Variants in JPH3 observed in about 807,000 individuals in gnomAD.
The protein encoded by JPH3 is junctophilin 3.
In JPH3, 11 loss-of-function variants were observed where a neutral mutation model predicts 59.6. The ratio of observed to expected loss-of-function variants is 0.18; its 90% CI spans 0.12 to 0.31. The LOEUF is 0.31. Ranked by LOEUF, JPH3 falls within the 10% of genes least tolerant of loss-of-function variation. The pLI, the probability that JPH3 is intolerant of heterozygous loss-of-function variation, is 1.00. For synonymous variants in JPH3, 673 were observed against 483.6 expected (o/e 1.39, Z -5.14); for missense variants, 1,202 against 1,105.7 (o/e 1.09, Z -1.24).
chr16:87,660,724 C>G (rs758578125), intron 2 of JPH3, among the ~76,000 whole-genome samples: 1 of 152,224 alleles, frequency 6.6e-6, no homozygotes. Flanking sequence ...ATCACACTGT[C>G]ATATCGCCTG....
chr16:87,618,227 C>G (rs972601314), intron 1 of JPH3, among the ~76,000 whole-genome samples: 6 of 151,822 alleles, frequency 4.0e-5, no homozygotes, highest in Admixed American at 2.6e-4. Flanking sequence ...TTAAAGAAAA[C>G]AGAAAGTGGG....
intron 1 of JPH3, among the ~76,000 whole-genome samples, chr16:87,616,976 G>A (rs1390805911): frequency 6.6e-6 from 1 of 152,216 alleles, no homozygotes; most frequent in Admixed American, 6.5e-5. Flanking sequence ...TGTAATCCCA[G>A]CACTTTGAGA....
At chr16:87,604,962 G>A (rs1029529253) in intron 1 of JPH3, 2 of 454,376 alleles carry the variant, frequency 4.4e-6, no homozygotes, top group Non-Finnish European at 8.9e-6. Flanking sequence ...GTGCTCCCTT[G>A]GTTCCAGGCT....
chr16:87,612,603 A>G lies in JPH3; in HGVS notation c.382+9075A>G, dbSNP rs2030770702. Among the ~76,000 whole-genome samples the G allele has an allele frequency of 3.3e-5, 5 of 152,138 alleles. 1 individual carries two copies. In the South Asian group the frequency reaches 1.0e-3, roughly 31 times the overall value. Reference sequence around the variant, plus strand: ...CAAGACCACTGACACTGGAAACTTTAAGGCGGGGGTCTCAGCCTGAGTATC... The same window carrying G: ...CAAGACCACTGACACTGGAAACTTTGAGGCGGGGGTCTCAGCCTGAGTATC... On this transcript the variant is annotated intron_variant, in intron 1 of 4. Coordinates refer to ENST00000284262, the MANE Select transcript of JPH3 (RefSeq NM_020655.4).
chr16:87,610,044 A>G lies in JPH3; in HGVS notation c.382+6516A>G, dbSNP rs150420921. 2.8e-3 allele frequency among the ~76,000 whole-genome samples: 423 copies of G among 152,344 alleles called. 2 individuals carry two copies. Among genetic ancestry groups the G allele is most frequent in the African/African-American group, 9.7e-3 (404 of 41,576 alleles). On this transcript the variant is annotated intron_variant, in intron 1 of 4. Transcript: ENST00000284262. ...GGGAGATAGTGACAGATCATCGGACATTAGATTATCATAAGGAGTGTGCAA... is the reference window on the plus strand; with the variant it reads ...GGGAGATAGTGACAGATCATCGGACGTTAGATTATCATAAGGAGTGTGCAA...
At chr16:87,629,542 G>A (rs546566879) in intron 1 of JPH3, among the ~76,000 whole-genome samples, 95 of 152,202 alleles carry the variant, frequency 6.2e-4, no homozygotes, top group South Asian at 3.1e-3. Context: ...CGGTGACGAC[G>A]CGGAGCAGCC....
chr16:87,623,131 G>A (rs1361009478), intron 1 of JPH3, among the ~76,000 whole-genome samples: 1 of 152,216 alleles, frequency 6.6e-6, no homozygotes, highest in Non-Finnish European at 1.5e-5. Flanking sequence ...CCCGGATACT[G>A]CCCAGCCAGC....
upstream of JPH3, chr16:87,602,255 C>G (rs939537227): frequency 6.7e-6 from 1 of 149,428 alleles, no homozygotes; most frequent in African/African-American, 2.5e-5. Context: ...GCGGGGGCGC[C>G]CCGGCTGGAC....
chr16:87,667,731 T>C (rs1043147023), intron 2 of JPH3, among the ~76,000 whole-genome samples: 1 of 152,244 alleles, frequency 6.6e-6, no homozygotes. Flanking sequence ...ACACACTTTT[T>C]CTGTCAAGGA....
intron 2 of JPH3, among the ~76,000 whole-genome samples, chr16:87,675,211 G>C (rs1425262235): frequency 1.4e-5 from 1 of 71,090 alleles, no homozygotes; most frequent in Non-Finnish European, 2.6e-5. Context: ...TCCCCGACTC[G>C]CTGACCCCTC....
At position 87,616,114 on chromosome 16, in the gene JPH3, TG is replaced by T. The variant is rs111338451; in HGVS notation, c.382+12591del. Among the ~76,000 whole-genome samples the T allele has an allele frequency of 7.4e-3, 1,116 of 151,220 alleles. 8 individuals are homozygous for T. Among genetic ancestry groups the T allele is most frequent in the Non-Finnish European group, 8.6e-3 (583 of 67,892 alleles). On this transcript the variant is annotated intron_variant, in intron 1 of 4. Transcript: ENST00000284262. ...ACAGACAGCTTCCAGGCCCCAGGGT[TG>T]GGGGACTTTGAATTTTCTCCAGGGC...
intron 3 of JPH3, among the ~76,000 whole-genome samples, chr16:87,687,645 G>C (rs1597291859): frequency 1.3e-5 from 2 of 152,322 alleles, no homozygotes; most frequent in South Asian, 4.1e-4. Context: ...AGCTGCAGGG[G>C]CTTCACGAGG....
At chr16:87,674,972 G>A (rs1430107099) in intron 2 of JPH3, among the ~76,000 whole-genome samples, 4 of 152,174 alleles carry the variant, frequency 2.6e-5, no homozygotes, top group African/African-American at 7.2e-5. Flanking sequence ...ATGTTGGCCA[G>A]GCTGGTCTTG....
At chr16:87,603,943 C>G (rs1380704437) in intron 1 of JPH3, 3 of 359,498 alleles carry the variant, frequency 8.3e-6, no homozygotes, top group Non-Finnish European at 1.2e-5. Context: ...TCGATCAGGC[C>G]CCAGCTTCGC....
intron 4 of JPH3, chr16:87,694,393 G>A (rs1300852719): frequency 6.6e-6 from 1 of 152,220 alleles, no homozygotes; most frequent in Non-Finnish European, 1.5e-5. Context: ...AACTGACCCA[G>A]GAGACAAAAG....
chr16:87,658,202 A>G (rs1053959556), intron 2 of JPH3, among the ~76,000 whole-genome samples: 6 of 152,160 alleles, frequency 3.9e-5, no homozygotes, highest in Admixed American at 6.5e-5. Context: ...GCTGGCTACT[A>G]TAGCGACCTC....
At chr16:87,685,377 G>A (rs772805340) in intron 3 of JPH3, among the ~76,000 whole-genome samples, 1 of 152,232 alleles carries the variant, frequency 6.6e-6, no homozygotes, top group Non-Finnish European at 1.5e-5. Flanking sequence ...ACCCCAAAGT[G>A]TCCAAGTGGG....
At chr16:87,616,646 A>G (rs905872273) in intron 1 of JPH3, among the ~76,000 whole-genome samples, 2 of 152,060 alleles carry the variant, frequency 1.3e-5, no homozygotes, top group South Asian at 4.1e-4. Flanking sequence ...TGTCCCCCTC[A>G]TGTGGTCTCT....
chr16:87,684,391 C>A, intron 3 of JPH3, 125 bp downstream of exon 3: 1 of 1,426,046 alleles, frequency 7.0e-7, no homozygotes, highest in South Asian at 1.4e-5. Flanking sequence ...CAGCTGCTCC[C>A]CTGCCCGGTG....
Sources: gnomAD v4.1 joint callset for allele counts (sites outside exome capture counted in the v4.1 genomes callset) on GRCh38, gnomAD v4.1.1 for gene constraint, MANE v1.5 for transcripts, NCBI Gene and HGNC (gene_info 2026-07-23, HGNC 2026-07-21) for gene names.